The following VPS9D1 variants were observed in gnomAD, a reference collection of about 807,000 sequenced individuals.
VPS9D1 encodes VPS9 domain-containing protein 1.
VPS9D1 carries 78 observed loss-of-function variants against 75.8 expected under a neutral mutation model. The observed-to-expected ratio is 1.03, with a 90% CI of 0.86 to 1.24. VPS9D1 has a LOEUF of 1.24. Ranked by LOEUF, VPS9D1 falls within the 50% of genes most tolerant of loss-of-function variation. The probability of loss-of-function intolerance (pLI) is 0.00; values close to 1 mark genes in which losing one functional copy is unlikely to be tolerated. For missense variants in VPS9D1, 1,057 were observed against 847.7 expected (o/e 1.25, Z -3.07); for synonymous variants, 481 against 385.6 (o/e 1.25, Z -2.90).
Position 89,716,774 on chromosome 16 carries a change from G to A in VPS9D1, c.224C>T (p.Ala75Val), listed in dbSNP as rs1217038330. 2 of 1,594,658 alleles carry A rather than the reference G, an allele frequency of 1.3e-6. No homozygotes were observed. The highest frequency in any genetic ancestry group is 1.7e-6 in the Non-Finnish European group (2 of 1,174,406). The part of the protein sequence containing the change: ...PPDTSKMLKL[A>V]QQCLERAQST... ...CTGGGCCCTCTCCAGACACTGCTGT[G>A]CTAGCTTCAGCATCTTGGAGGTGTC... The change falls in exon 3 of 15, where the codon GCA becomes GTA. Residue 75 changes from alanine to valine, a missense_variant. Coordinates refer to ENST00000389386, the MANE Select transcript of VPS9D1 (RefSeq NM_004913.3).
chr16:89,711,522 T>C, intron 8 of VPS9D1, 110 bp from the exon 9 acceptor site: 1 of 1,086,728 alleles, frequency 9.2e-7, no homozygotes, highest in Non-Finnish European at 1.3e-6. Flanking sequence ...CGTCCTGGGG[T>C]GCAGGAGACC....
chr16:89,720,595 C>T, intron 1 of VPS9D1, 168 bp downstream of exon 1: 1 of 1,225,774 alleles, frequency 8.2e-7, no homozygotes. Flanking sequence ...CACTGCACGC[C>T]CGGCTGCGCC....
intron 6 of VPS9D1, 141 bp downstream of exon 6, chr16:89,712,319 G>A: frequency 7.3e-7 from 1 of 1,378,426 alleles, no homozygotes; most frequent in Non-Finnish European, 9.9e-7. Flanking sequence ...CTGAGACCCT[G>A]CCTCTGCAAA....
intron 4 of VPS9D1, 135 bp from the exon 5 acceptor site, chr16:89,712,851 T>A: frequency 1.3e-6 from 1 of 753,454 alleles, no homozygotes; most frequent in South Asian, 2.2e-5. Context: ...CCATCTGGGG[T>A]GGGCTGCAAC....
chr16:89,707,979 G>T (rs761486020), intron 14 of VPS9D1, 25 bp from the exon 15 acceptor site: 1 of 1,606,738 alleles, frequency 6.2e-7, no homozygotes, highest in South Asian at 1.1e-5. Context: ...GGGGCAGCCG[G>T]TGTCATCTGA....
intron 3 of VPS9D1, 45 bp from the exon 4 acceptor site, chr16:89,716,669 C>G (rs1292804970): frequency 6.2e-7 from 1 of 1,603,266 alleles, no homozygotes; most frequent in East Asian, 2.2e-5. Flanking sequence ...GGCCACATCC[C>G]ACAGAGGAGA....
At chr16:89,709,641 G>T in intron 11 of VPS9D1, 136 bp downstream of exon 11, 1 of 1,442,378 alleles carries the variant, frequency 6.9e-7, no homozygotes, top group Middle Eastern at 2.5e-4. Flanking sequence ...TCAGGGTAAA[G>T]CACAGGCTAG....
chr16:89,709,025 G>GGCCCCCCCCCC, intron 12 of VPS9D1, 69 bp from the exon 13 acceptor site: 9 of 627,190 alleles, frequency 1.4e-5, no homozygotes, highest in South Asian at 1.2e-4. Context: ...CTTATACCCC[G>GGCCCCCCCCCC]CCCACCCACC....
At position 89,708,497 on chromosome 16, in the gene VPS9D1, C is replaced by T. The variant is rs772046801; in HGVS notation, c.1732G>A (p.Val578Met). Residue 578 changes from valine (V) to methionine (M), a missense_variant, in exon 14 of 15, where the codon GTG (valine) becomes ATG (methionine). Transcript: ENST00000389386. ...ADDLLPILSF[V>M]VLRSGLPQLV... ...TGAGGGAGGCCGCTCCTCAGCACCACGAAGGACAGGATGGGCAGCAGGTCA... is the reference window on the plus strand; with the variant it reads ...TGAGGGAGGCCGCTCCTCAGCACCATGAAGGACAGGATGGGCAGCAGGTCA... 1.2e-5 allele frequency: 19 copies of T among 1,613,046 alleles called. No homozygotes were observed. Among genetic ancestry groups the T allele is most frequent in the African/African-American group, 2.7e-5 (2 of 74,948 alleles).
Position 89,712,388 on chromosome 16 carries a change from C to G in VPS9D1, c.606+72G>C, listed in dbSNP as rs558095561. 1.2e-3 allele frequency: 1,995 copies of G among 1,597,772 alleles called. 7 individuals are homozygous for G. The Middle Eastern group carries it at 0.013, about 10-fold the overall frequency. ...GGAACCTCCGCTCCCCTCGCTGCCC[C>G]CTTCTCTGCCCTTGGCTCAAGGCCA... On this transcript the variant is annotated intron_variant, in intron 6 of 14. Transcript: ENST00000389386.
In VPS9D1 at chr16:89,711,219, G is replaced by A. The variant is rs1362154039; in HGVS notation, c.833+108C>T. 6.1e-6 allele frequency: 8 copies of A among 1,301,980 alleles called. No individual in the cohort carries two copies. The African/African-American group carries it at 1.0e-4, about 17-fold the overall frequency. 80.7% of individuals were successfully genotyped at this position (1,301,980 alleles called of 1,614,324 possible). A position where few individuals can be genotyped will look rare whatever the true frequency, so the allele number is the denominator to read the frequency against. ...AGGGAGCTGCAGTGTCCACGTGGCCGGGCACAGGCTCCCTGTGTCAGTCCA... is the reference window on the plus strand; with the variant it reads ...AGGGAGCTGCAGTGTCCACGTGGCCAGGCACAGGCTCCCTGTGTCAGTCCA... On this transcript the variant is annotated intron_variant, in intron 9 of 14. Transcript: ENST00000389386.
At position 89,710,840 on chromosome 16, in the gene VPS9D1, A is replaced by C; in HGVS notation, c.1004T>G (p.Leu335Arg). The stretch of plus-strand genomic sequence containing the variant: ...GGCTGCGCTGGGCTCGGGCGGGGAC[A>C]GCATGCAATGGAGGCTCTGCGAGGG... ...LRPSQSLHCM[L>R]SPPEPSAAPR... The change falls in exon 10 of 15, where the codon CTG becomes CGG. Residue 335 changes from leucine to arginine, a missense_variant. By Grantham distance (102) the Leu-to-Arg change is moderately radical. Transcript: ENST00000389386. The C allele has an allele frequency of 6.6e-7, 1 of 1,525,086 alleles. No homozygotes were observed. The allele number at this position is 1,525,086 out of a possible 1,614,324, so 94.5% of individuals were successfully genotyped here.
chr16:89,709,661 A>G (rs2060870199), intron 11 of VPS9D1, 116 bp downstream of exon 11: 1 of 1,528,490 alleles, frequency 6.5e-7, no homozygotes, highest in Non-Finnish European at 8.9e-7. Context: ...GGGGGAGCAA[A>G]CACGAGTCTT....
intron 1 of VPS9D1, 65 bp downstream of exon 1, chr16:89,720,698 C>T (rs1375371286): frequency 2.3e-6 from 3 of 1,325,398 alleles, no homozygotes; most frequent in Non-Finnish European, 2.9e-6. Context: ...TCCTCGCCCT[C>T]CCCGGGCGGG....
Position 89,710,557 on chromosome 16 carries a change from C to A in VPS9D1, c.1258+29G>T, listed in dbSNP as rs549831786. ...AATAAGCAGGGGTGAAGAGCTGCGG[C>A]GGCTCTCCCAGGGAGGGCCTGGCCT... is the stretch of plus-strand genomic sequence containing the variant. On this transcript the variant is annotated intron_variant, in intron 10 of 14. Coordinates refer to ENST00000389386, the MANE Select transcript of VPS9D1 (RefSeq NM_004913.3). 36 of 1,560,638 alleles carry A rather than the reference C, an allele frequency of 2.3e-5. No individual in the cohort carries two copies. The South Asian group carries it at 2.7e-4, about 12-fold the overall frequency.
chr16:89,708,026 G>C, intron 14 of VPS9D1, 72 bp from the exon 15 acceptor site: 2 of 1,461,554 alleles, frequency 1.4e-6, no homozygotes, highest in Non-Finnish European at 1.9e-6. Context: ...CCAGAAGGTA[G>C]TGTCTGCCCT....
Position 89,710,730 on chromosome 16 carries a change from C to G in VPS9D1, c.1114G>C (p.Gly372Arg). 1 of 1,592,106 alleles carries G rather than the reference C, an allele frequency of 6.3e-7. No homozygotes were observed. Among genetic ancestry groups the G allele is most frequent in the Non-Finnish European group, 8.5e-7 (1 of 1,169,664 alleles). Residue 372 changes from glycine (G) to arginine (R), a missense_variant, in exon 10 of 15, where the codon GGA becomes CGA. Gly to Arg is a moderately radical substitution (Grantham distance 125). Transcript: ENST00000389386. ...AACGAGCTGTCCTTGTCTGGCAATCCAGATGCGGTGTCCCCCAGGGGTGAG... is the reference window on the plus strand; with the variant it reads ...AACGAGCTGTCCTTGTCTGGCAATCGAGATGCGGTGTCCCCCAGGGGTGAG... ...SPSPLGDTAS[G>R]LPDKDSSFED...
chr16:89,707,507 C>A lies in VPS9D1; in HGVS notation c.*354G>T. 4.9e-6 allele frequency: 1 copy of A among 203,604 alleles called. No homozygotes were observed. The allele number at this position is 203,604 out of a possible 1,614,324, so 12.6% of individuals were successfully genotyped here. A position where few individuals can be genotyped will look rare whatever the true frequency, so the allele number is the denominator to read the frequency against. ...TCATGGCCCCCTCTTCCCTGATGCT[C>A]CCCAGGAGCTGCCCCAGCCAGATGT... On this transcript the variant is annotated 3_prime_UTR_variant, in exon 15 of 15. Transcript: ENST00000389386.
In VPS9D1 at chr16:89,720,833, A is replaced by G; in HGVS notation, c.29T>C (p.Val10Ala). ...CTTCATGGCGCTCTGCAGCGGCTTC[A>G]CCGTGCCGTCCCCGGCCGCAGCGGC... Reference protein sequence around the residue: MAAAAGDGTVKPLQSAMKLA... With the variant: MAAAAGDGTAKPLQSAMKLA... Residue 10 changes from valine to alanine, a missense_variant, in exon 1 of 15, where the codon GTG becomes GCG. Physicochemically the swap from Val to Ala is moderately conservative, Grantham distance 64 (BLOSUM62 0). Coordinates refer to ENST00000389386, the MANE Select transcript of VPS9D1 (RefSeq NM_004913.3). 1.4e-6 allele frequency: 2 copies of G among 1,440,106 alleles called. No homozygotes were observed. The highest frequency in any genetic ancestry group is 1.8e-6 in the Non-Finnish European group (2 of 1,091,532). 89.2% of individuals were successfully genotyped at this position (1,440,106 alleles called of 1,614,324 possible). A position where few individuals can be genotyped will look rare whatever the true frequency, so the allele number is the denominator to read the frequency against.
Sources: gnomAD v4.1 joint callset for allele counts on GRCh38, gnomAD v4.1.1 for gene constraint, MANE v1.5 for transcripts, NCBI Gene and HGNC (gene_info 2026-07-23, HGNC 2026-07-21) for gene names.